Variants in HYDIN observed in about 807,000 individuals in gnomAD.
The protein encoded by HYDIN is HYDIN axonemal central pair apparatus protein.
HYDIN carries 132 observed loss-of-function variants against 403.9 expected under a neutral mutation model. The ratio of observed to expected loss-of-function variants is 0.33; its 90% CI spans 0.28 to 0.38. The LOEUF is 0.38. Among genes scored for constraint, HYDIN ranks in the 10% least tolerant of loss-of-function variants. The pLI, the probability that HYDIN is intolerant of heterozygous loss-of-function variation, is 1.00. For synonymous variants in HYDIN, 1,202 were observed against 1,891.7 expected, an observed-to-expected ratio of 0.64 and a Z score of 9.46; for missense variants, 2,827 against 5,009.5, an observed-to-expected ratio of 0.56 and a Z score of 13.15.
chr16:71,037,745 C>G (rs1348626766), intron 18 of HYDIN, among the ~76,000 whole-genome samples: 1 of 152,212 alleles, frequency 6.6e-6, no homozygotes, highest in Non-Finnish European at 1.5e-5. Context: ...GAAAAAAATT[C>G]TGCCAATGAC....
intron 83 of HYDIN, among the ~76,000 whole-genome samples, chr16:70,819,852 G>A (rs571850895): frequency 6.6e-6 from 1 of 152,114 alleles, no homozygotes; most frequent in South Asian, 2.1e-4. Context: ...CTGTCACCCG[G>A]ACTGGAGTGC....
intron 1 of HYDIN, among the ~76,000 whole-genome samples, chr16:71,222,575 A>G (rs895681274): frequency 6.6e-6 from 1 of 152,118 alleles, no homozygotes; most frequent in African/African-American, 2.4e-5. Context: ...TTATATACCT[A>G]GGAAACCCTA....
At position 71,132,572 on chromosome 16, in the gene HYDIN, T is replaced by G. The variant is rs866327913; in HGVS notation, c.1044-2749A>C. Reference sequence around the variant, plus strand: ...TGGGGGAATTAACAGGAGTGGGGTGTGGGGATGTAAGAGAATAAATAAAAT... The same window carrying G: ...TGGGGGAATTAACAGGAGTGGGGTGGGGGGATGTAAGAGAATAAATAAAAT... On this transcript the variant is annotated intron_variant, in intron 8 of 85. Coordinates refer to ENST00000393567, the MANE Select transcript of HYDIN (RefSeq NM_001270974.2). The G allele has an allele frequency of 4.3e-3, 227 of 53,164 alleles. 3 individuals carry two copies. The highest frequency in any genetic ancestry group is 0.018 in the African/African-American group (219 of 12,118). The allele number at this position is 53,164 out of a possible 1,614,324, so 3.3% of individuals were successfully genotyped here.
chr16:71,199,803 A>C (rs552042933), intron 1 of HYDIN, among the ~76,000 whole-genome samples: 1 of 152,202 alleles, frequency 6.6e-6, no homozygotes, highest in Non-Finnish European at 1.5e-5. Context: ...AAAAATTTGA[A>C]GACAAAATGG....
At chr16:71,035,797 G>A (rs925920325) in intron 18 of HYDIN, among the ~76,000 whole-genome samples, 4 of 152,120 alleles carry the variant, frequency 2.6e-5, no homozygotes, top group African/African-American at 7.2e-5. Context: ...TCTACTAAAC[G>A]GATTCTGACA....
chr16:71,032,188 A>C (rs1425601169), intron 18 of HYDIN, among the ~76,000 whole-genome samples: 1 of 152,126 alleles, frequency 6.6e-6, no homozygotes, highest in Non-Finnish European at 1.5e-5. Context: ...CCAATTCTCA[A>C]ACAAGCTTAT....
At chr16:70,890,804 T>C (rs1198741021) in intron 57 of HYDIN, among the ~76,000 whole-genome samples, 2 of 152,172 alleles carry the variant, frequency 1.3e-5, no homozygotes, top group African/African-American at 2.4e-5. Flanking sequence ...TGTGACGGTG[T>C]CTTCATGGGG....
chr16:71,073,050 T>C (rs1357207339), intron 13 of HYDIN, among the ~76,000 whole-genome samples: 1 of 152,012 alleles, frequency 6.6e-6, no homozygotes, highest in Non-Finnish European at 1.5e-5. Context: ...TAAGTAGAGG[T>C]TTTCTAAAAA....
intron 19 of HYDIN, 48 bp downstream of exon 19, chr16:71,031,631 T>C: frequency 3.8e-6 from 6 of 1,565,414 alleles, no homozygotes; most frequent in African/African-American, 2.9e-5. Context: ...GCTCAGCATA[T>C]GTAACATATG....
chr16:71,116,193 C>A (rs2084020014), intron 9 of HYDIN, among the ~76,000 whole-genome samples: 1 of 151,010 alleles, frequency 6.6e-6, no homozygotes, highest in African/African-American at 2.4e-5. Flanking sequence ...GCCTGGTAAC[C>A]ACCAATCTCT....
intron 27 of HYDIN, among the ~76,000 whole-genome samples, chr16:70,986,499 T>C (rs1482354713): frequency 6.6e-6 from 1 of 152,216 alleles, no homozygotes; most frequent in South Asian, 2.1e-4. Flanking sequence ...AATCAGATTT[T>C]AGGCACAATC....
intron 5 of HYDIN, among the ~76,000 whole-genome samples, chr16:71,172,079 T>C (rs2086485790): frequency 6.6e-6 from 1 of 152,246 alleles, no homozygotes; most frequent in Non-Finnish European, 1.5e-5. Flanking sequence ...GCTGGCAATA[T>C]AGTTTTATTA....
chr16:71,173,280 C>T (rs931818142), intron 5 of HYDIN, among the ~76,000 whole-genome samples: 6 of 152,130 alleles, frequency 3.9e-5, no homozygotes, highest in South Asian at 4.1e-4. Context: ...AACAGTATAA[C>T]AACATTTAAC....
intron 25 of HYDIN, among the ~76,000 whole-genome samples, chr16:70,989,898 G>T (rs910871000): frequency 1.2e-4 from 18 of 152,180 alleles, no homozygotes; most frequent in African/African-American, 4.3e-4. Context: ...CTGCCCTCAT[G>T]AAGATTAAAT....
intron 13 of HYDIN, among the ~76,000 whole-genome samples, chr16:71,072,507 TA>T (rs1310018121): frequency 7.9e-5 from 12 of 152,118 alleles, no homozygotes; most frequent in Non-Finnish European, 1.5e-4. Context: ...CTACAAGAGT[TA>T]AAAAGAATTT....
chr16:71,067,432 G>A (rs775228480), intron 14 of HYDIN, 42 bp from the exon 15 acceptor site: 19 of 1,289,032 alleles, frequency 1.5e-5, no homozygotes, highest in South Asian at 8.5e-5. Flanking sequence ...GAAAAAGCAC[G>A]TTCTCTCTAC....
chr16:71,196,679 A>G (rs2087712293), intron 1 of HYDIN, among the ~76,000 whole-genome samples: 2 of 152,172 alleles, frequency 1.3e-5, no homozygotes, highest in South Asian at 4.2e-4. Flanking sequence ...AGGACGAGAT[A>G]GAAGGTCAGC....
At chr16:71,115,604 T>C (rs2083994602) in intron 10 of HYDIN, 92 bp downstream of exon 10, 2 of 702,044 alleles carry the variant, frequency 2.8e-6, no homozygotes, top group South Asian at 1.7e-5. Context: ...TGATCCCACA[T>C]GCACATGTGC....
intron 14 of HYDIN, among the ~76,000 whole-genome samples, chr16:71,067,635 T>C (rs1411182049): frequency 6.6e-6 from 1 of 151,830 alleles, no homozygotes. Context: ...GAGGAGGTTT[T>C]GTCAAAGAAG....
Sources: allele counts gnomAD v4.1 joint callset (sites outside exome capture counted in the v4.1 genomes callset), GRCh38; gene constraint gnomAD v4.1.1; transcripts MANE v1.5; gene names NCBI Gene and HGNC (gene_info 2026-07-23, HGNC 2026-07-21).